The following GRIK1 variants were observed in gnomAD, a reference collection of about 807,000 sequenced individuals.
GRIK1 encodes glutamate ionotropic receptor kainate type subunit 1, also known as glutamate receptor ionotropic, kainate 1.
In GRIK1, 69 loss-of-function variants were observed where a neutral mutation model predicts 105.7. The ratio of observed to expected loss-of-function variants is 0.65; its 90% CI spans 0.54 to 0.80. GRIK1 has a LOEUF of 0.80. Among genes scored for constraint, GRIK1 ranks in the 30% least tolerant of loss-of-function variants. The pLI, the probability that GRIK1 is intolerant of heterozygous loss-of-function variation, is 0.00. For synonymous variants in GRIK1, 438 were observed against 431.3 expected (o/e 1.02, Z -0.19); for missense variants, 1,109 against 1,167.3 (o/e 0.95, Z 0.73).
At chr21:29,778,598 C>T (rs13433503) in intron 1 of GRIK1, among the ~76,000 whole-genome samples, 3,644 of 152,280 alleles carry the variant, frequency 0.024, 64 homozygotes, top group Non-Finnish European at 0.036. Flanking sequence ...GGAACAAATC[C>T]ATCCAACAAC....
chr21:29,714,362 C>A (rs2064129096), intron 1 of GRIK1, among the ~76,000 whole-genome samples: 1 of 151,724 alleles, frequency 6.6e-6, no homozygotes, highest in South Asian at 2.1e-4. Flanking sequence ...GTGAATCACC[C>A]AAAAAAGATA....
chr21:29,918,680 C>A (rs2071090307), intron 1 of GRIK1, among the ~76,000 whole-genome samples: 1 of 151,816 alleles, frequency 6.6e-6, no homozygotes, highest in Admixed American at 6.6e-5. Flanking sequence ...GAAAAATAAG[C>A]AAAGCAAATA....
At chr21:29,625,321 G>A (rs2062100589) in intron 7 of GRIK1, among the ~76,000 whole-genome samples, 1 of 152,144 alleles carries the variant, frequency 6.6e-6, no homozygotes, top group Admixed American at 6.6e-5. Flanking sequence ...ATTTTCAGAG[G>A]TTTTGTCAGG....
At chr21:29,867,868 AAGAGAGAAAG>A (rs1464763803) in intron 1 of GRIK1, among the ~76,000 whole-genome samples, 1 of 49,576 alleles carries the variant, frequency 2.0e-5, no homozygotes, top group Non-Finnish European at 4.4e-5. Context: ...AAGAGAGAGA[AAGAGAGAAAG>A]AGAGAGAAAG....
At chr21:29,619,513 AC>A (rs1362595369) in intron 7 of GRIK1, among the ~76,000 whole-genome samples, 1 of 152,166 alleles carries the variant, frequency 6.6e-6, no homozygotes, top group Non-Finnish European at 1.5e-5. Context: ...GCGGTAAAAT[AC>A]TACAAATTGG....
chr21:29,786,936 A>C lies in GRIK1; in HGVS notation c.119-92873T>G, dbSNP rs558952289. Among the ~76,000 whole-genome samples, 8 of 152,340 alleles carry C rather than the reference A, an allele frequency of 5.3e-5. No individual in the cohort carries two copies. In the South Asian group the frequency reaches 8.3e-4, roughly 16 times the overall value. Reference sequence around the variant, plus strand: ...TGAATAAGAATATCTTCACACTCACACTAAGGGTCACTAAACCCTTTCATA... The same window carrying C: ...TGAATAAGAATATCTTCACACTCACCCTAAGGGTCACTAAACCCTTTCATA... On this transcript the variant is annotated intron_variant, in intron 1 of 17. Transcript: ENST00000327783.
At chr21:29,562,719 A>G (rs1411376259) in intron 14 of GRIK1, among the ~76,000 whole-genome samples, 2 of 145,624 alleles carry the variant, frequency 1.4e-5, no homozygotes, top group Non-Finnish European at 3.0e-5. Flanking sequence ...TATAATTTTA[A>G]TTGTAATCAT....
At chr21:29,625,217 A>G (rs2062098086) in intron 7 of GRIK1, among the ~76,000 whole-genome samples, 1 of 152,110 alleles carries the variant, frequency 6.6e-6, no homozygotes, top group Admixed American at 6.6e-5. Flanking sequence ...GACGGGCAAC[A>G]TAATTAACTT....
chr21:29,731,703 A>G (rs2064630050), intron 1 of GRIK1, among the ~76,000 whole-genome samples: 1 of 152,186 alleles, frequency 6.6e-6, no homozygotes, highest in African/African-American at 2.4e-5. Flanking sequence ...TTAGAACACG[A>G]ACCAGATGAA....
intron 7 of GRIK1, among the ~76,000 whole-genome samples, chr21:29,641,332 C>A (rs1375225070): frequency 6.6e-6 from 1 of 152,166 alleles, no homozygotes; most frequent in African/African-American, 2.4e-5. Flanking sequence ...CTCATGAAAT[C>A]TGATGGTTTT....
intron 9 of GRIK1, chr21:29,596,080 G>T (rs1037347987): frequency 7.5e-6 from 2 of 267,622 alleles, no homozygotes; most frequent in Non-Finnish European, 1.5e-5. Context: ...TTGTGGTGGT[G>T]ACATTACAGG....
chr21:29,622,390 A>T (rs777057590), intron 7 of GRIK1, among the ~76,000 whole-genome samples: 10 of 152,214 alleles, frequency 6.6e-5, no homozygotes, highest in Non-Finnish European at 1.5e-4. Flanking sequence ...CATGCTTTAG[A>T]ATAAAATCTA....
intron 7 of GRIK1, among the ~76,000 whole-genome samples, chr21:29,609,489 G>C (rs535882680): frequency 3.5e-4 from 54 of 152,294 alleles, no homozygotes; most frequent in Non-Finnish European, 7.4e-4. Flanking sequence ...TTGTTTCTGG[G>C]TGTGTCTGTG....
At chr21:29,567,793 ATATAT>A (rs1231009634) in intron 14 of GRIK1, among the ~76,000 whole-genome samples, 1 of 152,232 alleles carries the variant, frequency 6.6e-6, no homozygotes, top group African/African-American at 2.4e-5. Flanking sequence ...GACATGATTA[ATATAT>A]TATTTCATTA....
rs3054331 is a variant in GRIK1 at position 29,656,354 on chromosome 21, CAAAAAAAAAAAAAA to C, written c.727-1505_727-1492del. Among the ~76,000 whole-genome samples the C allele has an allele frequency of 5.7e-3, 294 of 51,168 alleles. 6 individuals carry two copies. Among genetic ancestry groups the C allele is most frequent in the East Asian group, 0.028 (35 of 1,238 alleles). The allele number at this position is 51,168 out of a possible 152,430, so 33.6% of individuals were successfully genotyped here. ...CCAGCCTGGGGGCCAGAGCGAGACT[CAAAAAAAAAAAAAA>C]AAAAAAAAAAAAAAAAAAAAAGAAA... On this transcript the variant is annotated intron_variant, in intron 4 of 17. Transcript: ENST00000327783.
intron 1 of GRIK1, among the ~76,000 whole-genome samples, chr21:29,905,190 T>C (rs2070565572): frequency 6.6e-6 from 1 of 152,132 alleles, no homozygotes; most frequent in Non-Finnish European, 1.5e-5. Context: ...AAATTTTGGC[T>C]CCTTCCTTAC....
At chr21:29,554,189 A>G (rs1190223176) in intron 16 of GRIK1, among the ~76,000 whole-genome samples, 2 of 152,204 alleles carry the variant, frequency 1.3e-5, no homozygotes, top group Admixed American at 6.5e-5. Context: ...TAGAATTTCA[A>G]GATGACAGGA....
At chr21:29,648,187 C>T (rs2062656241) in intron 6 of GRIK1, among the ~76,000 whole-genome samples, 1 of 152,110 alleles carries the variant, frequency 6.6e-6, no homozygotes, top group Non-Finnish European at 1.5e-5. Flanking sequence ...TTCCTATATT[C>T]ATCCATGTAT....
At chr21:29,647,759 C>T (rs1396504960) in intron 6 of GRIK1, among the ~76,000 whole-genome samples, 1 of 152,148 alleles carries the variant, frequency 6.6e-6, no homozygotes, top group Non-Finnish European at 1.5e-5. Context: ...TAAAAGAGAA[C>T]AAAGTAGATT....
Sources: allele counts gnomAD v4.1 joint callset (sites outside exome capture counted in the v4.1 genomes callset), GRCh38; gene constraint gnomAD v4.1.1; transcripts MANE v1.5; gene names NCBI Gene and HGNC (gene_info 2026-07-23, HGNC 2026-07-21).